Variants in EMSY observed in about 807,000 individuals in gnomAD.
EMSY encodes BRCA2-interacting transcriptional repressor EMSY.
Under a neutral mutation model 134.6 loss-of-function variants are expected in EMSY, and 26 were observed. The observed-to-expected ratio is 0.19, with a 90% CI of 0.14 to 0.27. EMSY has a LOEUF of 0.27. Among genes scored for constraint, EMSY ranks in the 10% least tolerant of loss-of-function variants. EMSY has a pLI of 1.00. For synonymous variants in EMSY, 579 were observed against 577.8 expected, an observed-to-expected ratio of 1.00 and a Z score of -0.03; for missense variants, 1,305 against 1,611.4, an observed-to-expected ratio of 0.81 and a Z score of 3.26.
intron 3 of EMSY, 95 bp from the exon 4 acceptor site, chr11:76,453,219 C>A: frequency 9.0e-7 from 1 of 1,110,764 alleles, no homozygotes; most frequent in Non-Finnish European, 1.3e-6. Flanking sequence ...TCTTGTCCCC[C>A]TTCTCCCCCC....
At chr11:76,514,028 G>C (rs1212277459) in intron 10 of EMSY, among the ~76,000 whole-genome samples, 3 of 152,090 alleles carry the variant, frequency 2.0e-5, no homozygotes, top group Non-Finnish European at 4.4e-5. Context: ...ATGGTATTGT[G>C]CCCTGATAGG....
rs144389029 is a variant in EMSY, at chr11:76,526,775, A to G, written c.1995+140A>G. 1.4e-3 allele frequency: 1,129 copies of G among 824,626 alleles called. 1 individual carries two copies. Among genetic ancestry groups the G allele is most frequent in the Non-Finnish European group, 1.8e-3 (990 of 543,014 alleles). 51.1% of individuals were successfully genotyped at this position (824,626 alleles called of 1,614,324 possible). A position where few individuals can be genotyped will look rare whatever the true frequency, so the allele number is the denominator to read the frequency against. On this transcript the variant is annotated intron_variant, in intron 13 of 20. Transcript: ENST00000334736. ...AAAGTTATGTTTGAATGTGTTAATT[A>G]TTCAAGTATTGTCAAAACTTCATTT...
intron 14 of EMSY, among the ~76,000 whole-genome samples, chr11:76,534,644 G>A (rs1951162976): frequency 1.3e-5 from 2 of 152,018 alleles, no homozygotes; most frequent in South Asian, 2.1e-4. Context: ...CGTTTATTAT[G>A]TTTATTCTTG....
chr11:76,503,318 A>AG (rs1277657445), intron 9 of EMSY, among the ~76,000 whole-genome samples: 1 of 150,672 alleles, frequency 6.6e-6, no homozygotes, highest in African/African-American at 2.5e-5. Flanking sequence ...AAAAAAAAAA[A>AG]AAAAAGAAGA....
exon 13 of EMSY, chr11:76,526,567 T>C (rs1950853760): frequency 6.2e-7 from 1 of 1,613,680 alleles, no homozygotes; most frequent in South Asian, 1.1e-5. Context: ...AGGAATAGGT[T>C]CTACAGTTCA....
At chr11:76,527,163 G>T (rs2053364921) in intron 13 of EMSY, among the ~76,000 whole-genome samples, 1 of 152,080 alleles carries the variant, frequency 6.6e-6, no homozygotes, top group South Asian at 2.1e-4. Flanking sequence ...CTAGGCTACT[G>T]TTTATTTTGT....
At chr11:76,546,296 A>G (rs753224785) in exon 20 of EMSY, 2 of 1,604,216 alleles carry the variant, frequency 1.2e-6, no homozygotes, top group Non-Finnish European at 8.5e-7. Flanking sequence ...ATTATCATCC[A>G]GGTAAGAATT....
intron 7 of EMSY, 117 bp downstream of exon 8, chr11:76,464,197 A>T (rs1948257491): frequency 8.1e-7 from 1 of 1,236,390 alleles, no homozygotes; most frequent in Non-Finnish European, 1.1e-6. Context: ...GGGGATGTTC[A>T]CATCTTTTAC....
chr11:76,535,846 G>T (rs74497857), intron 14 of EMSY, 49 bp from the exon 16 acceptor site: 27 of 1,199,808 alleles, frequency 2.3e-5, no homozygotes, highest in Middle Eastern at 2.4e-4. Context: ...TTTTTTTTAA[G>T]AGAAACTTTG....
exon 9 of EMSY, chr11:76,496,275 T>G: frequency 6.2e-7 from 1 of 1,614,172 alleles, no homozygotes; most frequent in Non-Finnish European, 8.5e-7. Context: ...AAAAGCTTAG[T>G]GAGTGCCCCA....
chr11:76,547,003 A>C, intron 20 of EMSY: 1 of 441,536 alleles, frequency 2.3e-6, no homozygotes, highest in South Asian at 1.6e-5. Flanking sequence ...TGATTCTAAA[A>C]ATCATCTCTT....
chr11:76,524,855 A>G (rs1590973168), intron 12 of EMSY, among the ~76,000 whole-genome samples: 1 of 152,160 alleles, frequency 6.6e-6, no homozygotes, highest in African/African-American at 2.4e-5. Flanking sequence ...GAAACTCCGT[A>G]TCTACAAAAT....
chr11:76,481,280 T>G (rs1948968879), intron 8 of EMSY, among the ~76,000 whole-genome samples: 1 of 152,120 alleles, frequency 6.6e-6, no homozygotes, highest in South Asian at 2.1e-4. Flanking sequence ...CCTGACCTTA[T>G]GATCCGCCCA....
intron 2 of EMSY, among the ~76,000 whole-genome samples, chr11:76,448,635 C>A (rs895023274): frequency 9.9e-5 from 15 of 151,742 alleles, no homozygotes; most frequent in African/African-American, 3.1e-4. Context: ...AGAAAACAGT[C>A]ATCTCGTATG....
At chr11:76,447,551 A>G (rs1359071136) in intron 2 of EMSY, among the ~76,000 whole-genome samples, 1 of 152,268 alleles carries the variant, frequency 6.6e-6, no homozygotes, top group East Asian at 1.9e-4. Context: ...TTTACTATCA[A>G]TAATAAAACA....
At chr11:76,484,695 G>A (rs1949109921) in intron 8 of EMSY, among the ~76,000 whole-genome samples, 1 of 152,174 alleles carries the variant, frequency 6.6e-6, no homozygotes, top group Non-Finnish European at 1.5e-5. Flanking sequence ...CACTTTGGGA[G>A]GCCAAGGCAG....
chr11:76,492,312 A>G (rs1949455462), intron 8 of EMSY, among the ~76,000 whole-genome samples: 1 of 152,088 alleles, frequency 6.6e-6, no homozygotes, highest in African/African-American at 2.4e-5. Context: ...CTACTCGACT[A>G]AAAATACAAA....
chr11:76,512,892 G>A (rs909137141), intron 9 of EMSY, among the ~76,000 whole-genome samples: 2 of 151,900 alleles, frequency 1.3e-5, no homozygotes, highest in Non-Finnish European at 2.9e-5. Flanking sequence ...TTTAAAAGAA[G>A]GCAGTTAAAA....
intron 16 of EMSY, among the ~76,000 whole-genome samples, chr11:76,538,426 AT>A (rs768376358): frequency 4.1e-4 from 62 of 151,888 alleles, no homozygotes; most frequent in Non-Finnish European, 7.2e-4. Flanking sequence ...TGCCTGGTTA[AT>A]TTTTTGTATT....
Sources: gnomAD v4.1 joint callset for allele counts (sites outside exome capture counted in the v4.1 genomes callset) on GRCh38, gnomAD v4.1.1 for gene constraint, MANE v1.5 for transcripts, NCBI Gene and HGNC (gene_info 2026-07-23, HGNC 2026-07-21) for gene names.